Variants in STXBP6 observed in about 807,000 individuals in gnomAD.
STXBP6 encodes syntaxin-binding protein 6.
Under a neutral mutation model 26.9 loss-of-function variants are expected in STXBP6, and 21 were observed. That is an observed-to-expected ratio of 0.78 (90% CI 0.55 to 1.12). The LOEUF (loss-of-function observed/expected upper bound fraction) is 1.12. Among genes scored for constraint, STXBP6 ranks in the 50% most tolerant of loss-of-function variants. The pLI is 0.00. For missense variants in STXBP6, 232 were observed against 257.9 expected (o/e 0.90, Z 0.69); for synonymous variants, 97 against 92.6 (o/e 1.05, Z -0.27).
intron 2 of STXBP6, among the ~76,000 whole-genome samples, chr14:24,886,383 C>T (rs567119058): frequency 1.3e-5 from 2 of 152,202 alleles, no homozygotes; most frequent in South Asian, 2.1e-4. Flanking sequence ...AAAATAGGAA[C>T]AATAACAGTA....
chr14:25,034,612 T>G (rs1219538778), intron 1 of STXBP6, among the ~76,000 whole-genome samples: 2 of 152,138 alleles, frequency 1.3e-5, no homozygotes, highest in African/African-American at 4.8e-5. Context: ...ATGGATGGGA[T>G]GTGTGACCCT....
intron 2 of STXBP6, among the ~76,000 whole-genome samples, chr14:24,945,773 A>C (rs929150661): frequency 6.6e-6 from 1 of 152,232 alleles, no homozygotes; most frequent in African/African-American, 2.4e-5. Flanking sequence ...CATTGTTCTA[A>C]GGGCTTTATA....
At chr14:24,994,604 T>C (rs534750367) in intron 1 of STXBP6, among the ~76,000 whole-genome samples, 1 of 152,336 alleles carries the variant, frequency 6.6e-6, no homozygotes, top group East Asian at 1.9e-4. Context: ...ACTTCTTCCA[T>C]TGTAGCAGTA....
intron 5 of STXBP6, among the ~76,000 whole-genome samples, 158 bp downstream of exon 5, chr14:24,818,879 C>T (rs141891117): frequency 2.9e-4 from 44 of 152,238 alleles, no homozygotes; most frequent in African/African-American, 8.4e-4. Context: ...AAATTTTCCA[C>T]GACTCAGGTG....
intron 1 of STXBP6, among the ~76,000 whole-genome samples, chr14:25,010,839 T>G (rs1256661569): frequency 6.6e-6 from 1 of 152,206 alleles, no homozygotes; most frequent in Non-Finnish European, 1.5e-5. Context: ...AACAAAATTT[T>G]GACAAGACCA....
intron 4 of STXBP6, among the ~76,000 whole-genome samples, chr14:24,828,147 A>G (rs1030004864): frequency 1.3e-5 from 2 of 152,284 alleles, no homozygotes; most frequent in Admixed American, 6.5e-5. Flanking sequence ...AGCAGATTCC[A>G]AGCCTTTGGG....
At chr14:24,978,133 T>C (rs964805746) in intron 1 of STXBP6, among the ~76,000 whole-genome samples, 36 of 152,228 alleles carry the variant, frequency 2.4e-4, no homozygotes, top group Admixed American at 1.3e-3. Flanking sequence ...CATAACTTCA[T>C]AGCAATAACT....
intron 4 of STXBP6, among the ~76,000 whole-genome samples, chr14:24,851,042 A>C (rs1329807535): frequency 6.6e-6 from 1 of 152,156 alleles, no homozygotes; most frequent in East Asian, 1.9e-4. Flanking sequence ...AGTATTAGGC[A>C]TATGAATACT....
intron 2 of STXBP6, among the ~76,000 whole-genome samples, chr14:24,930,829 C>T (rs1006291429): frequency 1.3e-5 from 2 of 151,886 alleles, no homozygotes; most frequent in Admixed American, 6.6e-5. Flanking sequence ...AACCAAACAC[C>T]GGCCGGGCGC....
At chr14:24,932,252 C>CA (rs2072442415) in intron 2 of STXBP6, among the ~76,000 whole-genome samples, 1 of 152,184 alleles carries the variant, frequency 6.6e-6, no homozygotes, top group African/African-American at 2.4e-5. Flanking sequence ...ACTAAAAATA[C>CA]AAAAACTAGC....
At chr14:24,961,456 A>C (rs867270763) in intron 2 of STXBP6, among the ~76,000 whole-genome samples, 44 of 151,620 alleles carry the variant, frequency 2.9e-4, no homozygotes, top group Admixed American at 1.8e-3. Context: ...AAAAACAAAA[A>C]AAAAAAAACA....
At chr14:24,964,407 T>A (rs1359145722) in intron 2 of STXBP6, among the ~76,000 whole-genome samples, 1 of 152,198 alleles carries the variant, frequency 6.6e-6, no homozygotes, top group Non-Finnish European at 1.5e-5. Flanking sequence ...GCTAATAGTT[T>A]CTTCTGGAAA....
chr14:24,966,000 A>G (rs17257668), intron 2 of STXBP6, among the ~76,000 whole-genome samples: 6,947 of 152,240 alleles, frequency 0.046, 284 homozygotes, highest in East Asian at 0.21. Context: ...TTAGTTTGCA[A>G]TCTCCCTAAC....
chr14:24,910,203 C>T (rs1451527082), intron 2 of STXBP6, among the ~76,000 whole-genome samples: 1 of 152,162 alleles, frequency 6.6e-6, no homozygotes, highest in East Asian at 1.9e-4. Context: ...GCTCACATGG[C>T]CCCATGTTAG....
At chr14:24,940,274 T>C (rs185931222) in intron 2 of STXBP6, among the ~76,000 whole-genome samples, 3 of 152,266 alleles carry the variant, frequency 2.0e-5, no homozygotes, top group African/African-American at 7.2e-5. Flanking sequence ...TGGTTTCAGT[T>C]CTAAAACTCT....
At chr14:24,991,344 A>G (rs754114506) in intron 1 of STXBP6, among the ~76,000 whole-genome samples, 2 of 152,224 alleles carry the variant, frequency 1.3e-5, no homozygotes, top group Non-Finnish European at 2.9e-5. Flanking sequence ...AGCAATGAAT[A>G]TTGTCAAAAA....
At chr14:24,988,786 AC>A (rs1460715070) in intron 1 of STXBP6, among the ~76,000 whole-genome samples, 1 of 152,164 alleles carries the variant, frequency 6.6e-6, no homozygotes, top group East Asian at 1.9e-4. Flanking sequence ...AAGAACCTGA[AC>A]CCTTGTAGAA....
chr14:24,918,842 A>G (rs992531505), intron 2 of STXBP6, among the ~76,000 whole-genome samples: 2 of 152,084 alleles, frequency 1.3e-5, no homozygotes, highest in Non-Finnish European at 2.9e-5. Flanking sequence ...ATAAGGTTTC[A>G]ATTTTGTTCT....
intron 1 of STXBP6, among the ~76,000 whole-genome samples, chr14:24,978,693 TGTTA>T (rs1220674507): frequency 2.0e-5 from 3 of 152,220 alleles, no homozygotes; most frequent in African/African-American, 7.2e-5. Flanking sequence ...TTCCCATAAG[TGTTA>T]GTTACAAAAA....
Sources: gnomAD v4.1 joint callset for allele counts (sites outside exome capture counted in the v4.1 genomes callset) on GRCh38, gnomAD v4.1.1 for gene constraint, MANE v1.5 for transcripts, NCBI Gene and HGNC (gene_info 2026-07-23, HGNC 2026-07-21) for gene names.